Variants in GPM6B observed in about 807,000 individuals in gnomAD.
The protein encoded by GPM6B is neuronal membrane glycoprotein M6-b.
Under a neutral mutation model 27.2 loss-of-function variants are expected in GPM6B, and 4 were observed. The observed-to-expected ratio is 0.15, with a 90% confidence interval of 0.07 to 0.34. The LOEUF (loss-of-function observed/expected upper bound fraction) is 0.34. Ranked by LOEUF, GPM6B falls within the 10% of genes least tolerant of loss-of-function variation. The pLI is 1.00. For synonymous variants in GPM6B, 124 were observed against 103.1 expected, an observed-to-expected ratio of 1.20 and a Z score of -1.23; for missense variants, 183 against 261.9, an observed-to-expected ratio of 0.70 and a Z score of 2.08.
chrX:13,790,838 G>C (rs754684289), intron 2 of GPM6B, among the ~76,000 whole-genome samples: 1 of 109,468 alleles, frequency 9.1e-6, no homozygotes, highest in Non-Finnish European at 1.9e-5. Flanking sequence ...GACGGGAATT[G>C]AGTCACCTGA....
chrX:13,849,896 TAA>T (rs1219512770), intron 1 of GPM6B, among the ~76,000 whole-genome samples: 2 of 109,828 alleles, frequency 1.8e-5, no homozygotes, highest in African/African-American at 6.6e-5. Context: ...TCATCTTTAC[TAA>T]AAATACAAAA....
At chrX:13,837,169 C>T (rs1315429754) in intron 1 of GPM6B, among the ~76,000 whole-genome samples, 4 of 112,148 alleles carry the variant, frequency 3.6e-5, no homozygotes, top group African/African-American at 6.5e-5. Flanking sequence ...TATGAAACCA[C>T]GACATGACAG....
chrX:13,791,611 T>TA (rs2048714568), intron 2 of GPM6B, among the ~76,000 whole-genome samples: 1 of 111,408 alleles, frequency 9.0e-6, no homozygotes, highest in Non-Finnish European at 1.9e-5. Flanking sequence ...ATAAGCCATG[T>TA]AGTAGGGAAA....
intron 1 of GPM6B, among the ~76,000 whole-genome samples, chrX:13,906,909 G>C (rs971704310): frequency 2.9e-4 from 32 of 111,906 alleles, no homozygotes; most frequent in African/African-American, 1.0e-3. Flanking sequence ...AAATGCTCTT[G>C]TGTTCTCCGG....
At chrX:13,850,961 C>T (rs2049709096) in intron 1 of GPM6B, among the ~76,000 whole-genome samples, 1 of 110,143 alleles carries the variant, frequency 9.1e-6, no homozygotes, top group South Asian at 3.9e-4. Flanking sequence ...GTCAGGAGTT[C>T]AAGACCAGCC....
intron 1 of GPM6B, among the ~76,000 whole-genome samples, chrX:13,838,083 C>T (rs1381305300): frequency 1.9e-5 from 2 of 108,076 alleles, no homozygotes; most frequent in East Asian, 2.9e-4. Flanking sequence ...GACACCTCTG[C>T]CATGCTTATT....
intron 1 of GPM6B, among the ~76,000 whole-genome samples, chrX:13,908,298 T>C (rs1037720035): frequency 8.9e-6 from 1 of 112,022 alleles, no homozygotes. Context: ...TGAGATATAT[T>C]GGCATCATGT....
At chrX:13,861,035 CACACACACAT>C (rs1219532097) in intron 1 of GPM6B, among the ~76,000 whole-genome samples, 83 of 64,406 alleles carry the variant, frequency 1.3e-3, no homozygotes, top group African/African-American at 7.3e-3. Context: ...CACACACACA[CACACACACAT>C]ATATACATAT....
At chrX:13,855,288 C>T (rs1280783120) in intron 1 of GPM6B, among the ~76,000 whole-genome samples, 11 of 112,271 alleles carry the variant, frequency 9.8e-5, no homozygotes, top group Admixed American at 9.4e-4. Context: ...CAAAGTGTTG[C>T]GATTATAGGC....
At chrX:13,915,814 A>C (rs1456405989) in intron 1 of GPM6B, among the ~76,000 whole-genome samples, 5 of 112,581 alleles carry the variant, frequency 4.4e-5, no homozygotes, top group Non-Finnish European at 9.4e-5. Context: ...GTATGTATGT[A>C]CATGTATATA....
intron 1 of GPM6B, among the ~76,000 whole-genome samples, chrX:13,812,142 C>T (rs1349758139): frequency 9.6e-6 from 1 of 104,042 alleles, no homozygotes; most frequent in African/African-American, 3.5e-5. Context: ...CTCCGCCTCT[C>T]GGGTTCACGC....
chrX:13,784,080 T>G (rs1376616780), intron 3 of GPM6B, among the ~76,000 whole-genome samples: 1 of 112,293 alleles, frequency 8.9e-6, no homozygotes, highest in Non-Finnish European at 1.9e-5. Context: ...GTCGAGTAGG[T>G]TTAAGATACA....
chrX:13,927,961 T>C (rs914164382), intron 1 of GPM6B, among the ~76,000 whole-genome samples: 10 of 112,237 alleles, frequency 8.9e-5, no homozygotes, highest in Non-Finnish European at 1.9e-4. Context: ...ACCAATGATA[T>C]GTGTACTTCC....
chrX:13,819,891 G>A (rs756463578), upstream of GPM6B, among the ~76,000 whole-genome samples: 1 of 111,900 alleles, frequency 8.9e-6, no homozygotes, highest in South Asian at 3.8e-4. Flanking sequence ...GAAACCTGCT[G>A]GGTAGGGTAG....
At chrX:13,931,297 G>A (rs901223753) in intron 1 of GPM6B, among the ~76,000 whole-genome samples, 2 of 110,878 alleles carry the variant, frequency 1.8e-5, no homozygotes, top group Non-Finnish European at 3.8e-5. Context: ...ACAAGGTCAG[G>A]CTATCATGGT....
upstream of GPM6B, among the ~76,000 whole-genome samples, chrX:13,819,320 A>G (rs1458153104): frequency 8.9e-6 from 1 of 112,300 alleles, no homozygotes; most frequent in Non-Finnish European, 1.9e-5. Context: ...CATTTGAAAA[A>G]CAATTGTCAA....
At chrX:13,802,552 TTATATA>T (rs10645553) in intron 2 of GPM6B, among the ~76,000 whole-genome samples, 1 of 106,019 alleles carries the variant, frequency 9.4e-6, no homozygotes, top group Non-Finnish European at 1.9e-5. Flanking sequence ...ATAAATTATT[TTATATA>T]TATATATATA....
upstream of GPM6B, chrX:13,938,551 C>T: frequency 1.2e-6 from 1 of 859,998 alleles, no homozygotes; most frequent in East Asian, 4.1e-5. Flanking sequence ...GCGGGGCGTT[C>T]GGGCTCCCCG....
intron 2 of GPM6B, among the ~76,000 whole-genome samples, chrX:13,796,912 T>A (rs769659729): frequency 1.2e-4 from 13 of 112,284 alleles, no homozygotes; most frequent in African/African-American, 3.9e-4. Context: ...GGGAACTGGC[T>A]TTGGTTTTCC....
Sources: gnomAD v4.1 joint callset for allele counts (sites outside exome capture counted in the v4.1 genomes callset) on GRCh38, gnomAD v4.1.1 for gene constraint, MANE v1.5 for transcripts, NCBI Gene and HGNC (gene_info 2026-07-23, HGNC 2026-07-21) for gene names.